BCL2L14: variants seen among roughly 807,000 people sequenced by gnomAD.
BCL2L14 encodes the protein BCL2 like 14, also known as apoptosis facilitator Bcl-2-like protein 14.
BCL2L14 carries 27 observed loss-of-function variants against 35.3 expected under a neutral mutation model. The observed-to-expected ratio is 0.76, with a 90% CI of 0.56 to 1.05. The LOEUF is 1.05. Among genes scored for constraint, BCL2L14 ranks in the 50% least tolerant of loss-of-function variants. BCL2L14 has a pLI of 0.00. For missense variants in BCL2L14, 377 were observed against 382.6 expected, an observed-to-expected ratio of 0.99 and a Z score of 0.12; for synonymous variants, 139 against 145.9, an observed-to-expected ratio of 0.95 and a Z score of 0.34.
chr12:12,087,778 C>T (rs543425602), intron 3 of BCL2L14, among the ~76,000 whole-genome samples: 18 of 152,256 alleles, frequency 1.2e-4, no homozygotes, highest in African/African-American at 4.3e-4. Context: ...TATAACATTG[C>T]TTTAGGGCTT....
chr12:12,079,866 A>G, intron 2 of BCL2L14, 128 bp downstream of exon 2: 1 of 939,774 alleles, frequency 1.1e-6, no homozygotes. Flanking sequence ...CAGCTTTCCA[A>G]CTTATTAGTG....
chr12:12,087,301 C>A lies in BCL2L14; in HGVS notation c.522C>A (p.Gly174=). 6.2e-7 allele frequency: 1 copy of A among 1,614,240 alleles called. No homozygotes were observed. Among genetic ancestry groups the A allele is most frequent in the Non-Finnish European group, 8.5e-7 (1 of 1,180,022 alleles). Reference sequence around the variant, plus strand: ...CACCACAAGCGACCCAGGCAGGAGGCTTCAAGTCCAAAGAGATTTTTGTAA... The same window carrying A: ...CACCACAAGCGACCCAGGCAGGAGGATTCAAGTCCAAAGAGATTTTTGTAA... ...WPPPQATQAG[G]FKSKEIFVTE... The change falls in exon 3 of 6, where the codon GGC becomes GGA. Residue 174 remains glycine (G), a synonymous_variant. Coordinates refer to ENST00000308721, the MANE Select transcript of BCL2L14 (RefSeq NM_138723.2).
intron 4 of BCL2L14, 189 bp from the exon 5 acceptor site, chr12:12,094,475 T>C: frequency 6.5e-7 from 1 of 1,534,240 alleles, no homozygotes; most frequent in Non-Finnish European, 9.0e-7. Context: ...ATGAAATGAA[T>C]TCACCGAGCA....
At position 12,087,392 on chromosome 12, in the gene BCL2L14, C is replaced by G; in HGVS notation, c.607+6C>G. On this transcript the variant is annotated splice_donor_region_variant and intron_variant, in intron 3 of 5. Transcript: ENST00000308721. ...AGCTTCAAGTTCTAAGAAAGGTAAG[C>G]TTTCCTTCCCTGGGTGGAGTGTTTG... 1 of 1,613,618 alleles carries G rather than the reference C, an allele frequency of 6.2e-7. No individual in the cohort carries two copies. Among genetic ancestry groups the G allele is most frequent in the Non-Finnish European group, 8.5e-7 (1 of 1,179,800 alleles).
chr12:12,084,625 C>T (rs961360436), intron 2 of BCL2L14, among the ~76,000 whole-genome samples: 1 of 144,608 alleles, frequency 6.9e-6, no homozygotes, highest in Non-Finnish European at 1.5e-5. Flanking sequence ...ATCCAGTGTT[C>T]CCTCGCCTAT....
At chr12:12,081,050 G>A (rs1948911296) in intron 2 of BCL2L14, among the ~76,000 whole-genome samples, 1 of 152,042 alleles carries the variant, frequency 6.6e-6, no homozygotes, top group African/African-American at 2.4e-5. Flanking sequence ...AGTCAGACAT[G>A]GTGGTGCACG....
rs552486528 is a variant in BCL2L14, at chr12:12,097,137, T to C, written c.946-1813T>C. The stretch of plus-strand genomic sequence containing the variant: ...TCCAGCCTGGGAGAGAGAGCGAGAC[T>C]CTGTCTCAAAAAATAAAAAAAATTA... On this transcript the variant is annotated intron_variant, in intron 5 of 5. Coordinates refer to ENST00000308721, the MANE Select transcript of BCL2L14 (RefSeq NM_138723.2). 7.9e-5 allele frequency among the ~76,000 whole-genome samples: 12 copies of C among 152,064 alleles called. No homozygotes were observed. The South Asian group carries it at 2.5e-3, about 32-fold the overall frequency.
exon 1 of BCL2L14, chr12:12,049,894 C>T (rs1038886310): frequency 2.0e-5 from 3 of 152,280 alleles, no homozygotes; most frequent in African/African-American, 4.8e-5. Context: ...GCTAAATGGG[C>T]TCCCCTGGAC....
chr12:12,078,380 T>C (rs1389706014), intron 1 of BCL2L14, among the ~76,000 whole-genome samples: 1 of 150,270 alleles, frequency 6.7e-6, no homozygotes, highest in Non-Finnish European at 1.5e-5. Flanking sequence ...CTCCCTCTTT[T>C]GCCACCTCCC....
upstream of BCL2L14, among the ~76,000 whole-genome samples, chr12:12,069,495 C>G (rs1302670773): frequency 2.0e-5 from 3 of 150,896 alleles, no homozygotes; most frequent in African/African-American, 4.9e-5. Context: ...GTCAGGAGAT[C>G]GAGGCCATCC....
At chr12:12,078,877 AC>A (rs1426389973) in intron 1 of BCL2L14, among the ~76,000 whole-genome samples, 5 of 151,688 alleles carry the variant, frequency 3.3e-5, no homozygotes, top group African/African-American at 1.2e-4. Flanking sequence ...GCTCACTACA[AC>A]CCCCGACTCC....
chr12:12,092,172 G>T (rs564640284), intron 4 of BCL2L14, among the ~76,000 whole-genome samples: 1 of 152,338 alleles, frequency 6.6e-6, no homozygotes, highest in East Asian at 1.9e-4. Context: ...GTGGTCATTG[G>T]TCAGGGAGGT....
chr12:12,094,649 T>C lies in BCL2L14; in HGVS notation c.679-15T>C. 1 of 1,614,178 alleles carries C rather than the reference T, an allele frequency of 6.2e-7. No homozygotes were observed. The highest frequency in any genetic ancestry group is 1.3e-5 in the African/African-American group (1 of 75,056). ...GCCAAGCTACTGTACTGAGTGCTTA[T>C]TCTTTTGTACACAGCTGAAGAAAGA... is the stretch of plus-strand genomic sequence containing the variant. On this transcript the variant is annotated splice_polypyrimidine_tract_variant and intron_variant, in intron 4 of 5. Coordinates refer to ENST00000308721, the MANE Select transcript of BCL2L14 (RefSeq NM_138723.2).
chr12:12,064,197 T>C (rs973168719), intron 2 of BCL2L14, among the ~76,000 whole-genome samples: 1 of 152,138 alleles, frequency 6.6e-6, no homozygotes, highest in Non-Finnish European at 1.5e-5. Flanking sequence ...AGTGCAGTGG[T>C]TTGATCACTG....
chr12:12,081,059 C>T lies in BCL2L14; in HGVS notation c.433+1321C>T, dbSNP rs564504453. On this transcript the variant is annotated intron_variant, in intron 2 of 5. Coordinates refer to ENST00000308721, the MANE Select transcript of BCL2L14 (RefSeq NM_138723.2). ...AAAATTAGTCAGACATGGTGGTGCA[C>T]GCCTGTGGTCCTGGCTACTCGGGAG... 2.0e-5 allele frequency among the ~76,000 whole-genome samples: 3 copies of T among 151,796 alleles called. 1 individual carries two copies. Among genetic ancestry groups the T allele is most frequent in the South Asian group, 4.2e-4 (2 of 4,774 alleles).
In BCL2L14 at chr12:12,076,197, G is replaced by T. The variant is rs539974738; in HGVS notation, c.-7-3102G>T. On this transcript the variant is annotated intron_variant, in intron 1 of 5. Transcript: ENST00000308721. ...ATGCCCGGAAAATGCATGGGGGAGG[G>T]TGGGATGCCCGGAAAATGCATGGGG... Among the ~76,000 whole-genome samples, 6 of 140,914 alleles carry T rather than the reference G, an allele frequency of 4.3e-5. No homozygotes were observed. In the South Asian group the frequency reaches 7.4e-4, roughly 17 times the overall value. 92.4% of individuals were successfully genotyped at this position (140,914 alleles called of 152,430 possible).
Position 12,050,807 on chromosome 12 carries a change from A to AG in BCL2L14, c.-324+853_-324+854insG, listed in dbSNP as rs1555084760. Reference sequence around the variant, plus strand: ...AGCTGATGAGCTAAAAAAAAAAAAAAAAAAAAGAAAAGAAAAGAAAAGAAA... The same window carrying AG: ...AGCTGATGAGCTAAAAAAAAAAAAAAGAAAAAAGAAAAGAAAAGAAAAGAAA... On this transcript the variant is annotated intron_variant, in intron 1 of 3. Coordinates refer to the BCL2L14 transcript ENST00000461264. Among the ~76,000 whole-genome samples the AG allele has an allele frequency of 1.6e-3, 234 of 145,072 alleles. 3 individuals carry two copies. Among genetic ancestry groups the AG allele is most frequent in the African/African-American group, 3.9e-3 (155 of 39,890 alleles).
At chr12:12,075,785 C>T (rs1358852634) in intron 1 of BCL2L14, among the ~76,000 whole-genome samples, 4 of 151,766 alleles carry the variant, frequency 2.6e-5, no homozygotes, top group South Asian at 2.1e-4. Flanking sequence ...CTTTTTTTGG[C>T]GCCATTTATT....
chr12:12,059,938 C>T (rs981151279), intron 2 of BCL2L14, among the ~76,000 whole-genome samples: 2 of 152,004 alleles, frequency 1.3e-5, no homozygotes, highest in East Asian at 1.9e-4. Flanking sequence ...TTTACACATC[C>T]GTCCCTCTCT....
Sources: gnomAD v4.1 joint callset for allele counts (sites outside exome capture counted in the v4.1 genomes callset) on GRCh38, gnomAD v4.1.1 for gene constraint, MANE v1.5 for transcripts, NCBI Gene and HGNC (gene_info 2026-07-23, HGNC 2026-07-21) for gene names.